The following DIP2B variants were observed in gnomAD, a reference collection of about 807,000 sequenced individuals.
DIP2B encodes the protein DIP2 acetate--CoA ligase B (putative).
Under a neutral mutation model 198.0 loss-of-function variants are expected in DIP2B, and 76 were observed. The ratio of observed to expected loss-of-function variants is 0.38; its 90% confidence interval spans 0.32 to 0.46. DIP2B has a LOEUF of 0.46. Among genes scored for constraint, DIP2B ranks in the 20% least tolerant of loss-of-function variants. The probability of loss-of-function intolerance (pLI) is 0.99; values close to 1 mark genes in which losing one functional copy is unlikely to be tolerated. For missense variants in DIP2B, 1,559 were observed against 1,978.4 expected, an observed-to-expected ratio of 0.79 and a Z score of 4.02; for synonymous variants, 701 against 739.1, an observed-to-expected ratio of 0.95 and a Z score of 0.84.
chr12:50,674,519 C>T lies in DIP2B; in HGVS notation c.686C>T (p.Ser229Phe). 1.9e-6 allele frequency: 3 copies of T among 1,614,222 alleles called. No individual in the cohort carries two copies. Among genetic ancestry groups the T allele is most frequent in the Non-Finnish European group, 2.5e-6 (3 of 1,180,032 alleles). Residue 229 changes from serine to phenylalanine, a missense_variant, in exon 6 of 38, where the codon TCC becomes TTC. By Grantham distance (155) the Ser-to-Phe change is radical (BLOSUM62 -2). Transcript: ENST00000301180. ...PPDVTTTTSS[S>F]SSSSSIRPAN... is the part of the protein sequence containing the mutation. ...GATGTCACTACAACTACCTCTTCCT[C>T]CTCATCATCTTCCTCAATTCGCCCA...
chr12:50,701,751 T>G (rs933355312), intron 19 of DIP2B, among the ~76,000 whole-genome samples: 27 of 152,018 alleles, frequency 1.8e-4, no homozygotes, highest in Non-Finnish European at 3.8e-4. Context: ...GAGAAAAACT[T>G]TTGTGACATG....
intron 4 of DIP2B, among the ~76,000 whole-genome samples, chr12:50,662,063 A>G (rs910198348): frequency 6.6e-6 from 1 of 152,188 alleles, no homozygotes; most frequent in Non-Finnish European, 1.5e-5. Flanking sequence ...AGGCCTCTGT[A>G]TTTCTAGACA....
chr12:50,695,313 T>C lies in DIP2B; in HGVS notation c.1766T>C (p.Met589Thr). ...MHTISVPYSV[M>T]KTCPLSWVQR... ...ACAATCAGCGTACCCTACTCTGTTA[T>C]GAAAACCTGTCCTCTCTCTTGGGTC... Residue 589 changes from methionine to threonine, a missense_variant, in exon 15 of 38, where the codon ATG (methionine) becomes ACG (threonine). Coordinates refer to ENST00000301180, the MANE Select transcript of DIP2B (RefSeq NM_173602.3). 6.2e-7 allele frequency: 1 copy of C among 1,614,136 alleles called. No individual in the cohort carries two copies. Among genetic ancestry groups the C allele is most frequent in the Non-Finnish European group, 8.5e-7 (1 of 1,179,994 alleles).
At chr12:50,540,772 C>T (rs1480656476) in intron 1 of DIP2B, among the ~76,000 whole-genome samples, 1 of 151,472 alleles carries the variant, frequency 6.6e-6, no homozygotes, top group South Asian at 2.1e-4. Flanking sequence ...CTCCTGACCT[C>T]GTGATCCGCC....
chr12:50,716,289 T>A (rs1449115250), intron 23 of DIP2B, among the ~76,000 whole-genome samples: 2 of 144,724 alleles, frequency 1.4e-5, no homozygotes, highest in Non-Finnish European at 3.1e-5. Flanking sequence ...ACTAAAACTG[T>A]TCACCAATTG....
At chr12:50,647,880 C>T (rs903824212) in intron 3 of DIP2B, among the ~76,000 whole-genome samples, 6 of 151,934 alleles carry the variant, frequency 3.9e-5, no homozygotes, top group Non-Finnish European at 7.4e-5. Context: ...TTTGGGAGGC[C>T]GAGGCAGGTG....
intron 1 of DIP2B, among the ~76,000 whole-genome samples, chr12:50,535,140 G>A (rs1958252206): frequency 6.6e-6 from 1 of 152,118 alleles, no homozygotes. Flanking sequence ...GCTAAGGTGG[G>A]AGACTCACCT....
At chr12:50,688,642 A>G (rs779201182) in intron 12 of DIP2B, among the ~76,000 whole-genome samples, 4 of 152,192 alleles carry the variant, frequency 2.6e-5, no homozygotes, top group Non-Finnish European at 4.4e-5. Context: ...ACAGAGCACA[A>G]TTCTGTCTCA....
At position 50,695,479 on chromosome 12, in the gene DIP2B, T is replaced by C. The variant is rs750202506; in HGVS notation, c.1813+119T>C. On this transcript the variant is annotated intron_variant, in intron 15 of 37. Coordinates refer to ENST00000301180, the MANE Select transcript of DIP2B (RefSeq NM_173602.3). ...CTGTCCCTTAACAAATTGTAGAGTTTAGTTACTACAGAATTAGGTACCTTG... is the reference window on the plus strand; with the variant it reads ...CTGTCCCTTAACAAATTGTAGAGTTCAGTTACTACAGAATTAGGTACCTTG... 8.2e-5 allele frequency: 77 copies of C among 944,666 alleles called. 1 individual carries two copies. The highest frequency in any genetic ancestry group is 2.6e-4 in the Admixed American group (12 of 46,658). 58.5% of individuals were successfully genotyped at this position (944,666 alleles called of 1,614,324 possible). A position where few individuals can be genotyped will look rare whatever the true frequency, so the allele number is the denominator to read the frequency against.
At chr12:50,518,839 C>T (rs1958089731) in intron 1 of DIP2B, among the ~76,000 whole-genome samples, 2 of 152,132 alleles carry the variant, frequency 1.3e-5, no homozygotes, top group African/African-American at 4.8e-5. Flanking sequence ...ACTGCAACCT[C>T]AAACTTCTGT....
In DIP2B at chr12:50,735,136, T is replaced by C. The variant is rs764252824; in HGVS notation, c.4101+6T>C. The C allele has an allele frequency of 1.8e-5, 29 of 1,614,042 alleles. No homozygotes were observed. Among genetic ancestry groups the C allele is most frequent in the Non-Finnish European group, 2.4e-5 (28 of 1,180,014 alleles). On this transcript the variant is annotated splice_donor_region_variant and intron_variant, in intron 34 of 37. Coordinates refer to ENST00000301180, the MANE Select transcript of DIP2B (RefSeq NM_173602.3). ...TTCTCTCAGAGTCTGGAAAGGTAAT[T>C]TGTTCTGTTGACCATGGGGAAGGTG...
intron 2 of DIP2B, among the ~76,000 whole-genome samples, chr12:50,638,008 C>T (rs371169805): frequency 6.6e-6 from 1 of 152,138 alleles, no homozygotes; most frequent in Non-Finnish European, 1.5e-5. Context: ...TGTTTTTGAA[C>T]CTAAAATGTG....
intron 14 of DIP2B, among the ~76,000 whole-genome samples, chr12:50,694,548 CAT>C (rs1939275481): frequency 7.6e-6 from 1 of 130,892 alleles, no homozygotes; most frequent in African/African-American, 2.7e-5. Flanking sequence ...TACATACATA[CAT>C]ACATACATAC....
At chr12:50,678,096 T>A (rs1938979570) in intron 7 of DIP2B, among the ~76,000 whole-genome samples, 1 of 148,846 alleles carries the variant, frequency 6.7e-6, no homozygotes, top group Non-Finnish European at 1.5e-5. Flanking sequence ...CCATACGAGA[T>A]GAGTGCAGAG....
chr12:50,731,373 T>C lies in DIP2B; in HGVS notation c.3646T>C (p.Tyr1216His), dbSNP rs147225936. The change falls in exon 31 of 38, where the codon TAT becomes CAT. Residue 1216 changes from tyrosine (Y) to histidine (H), a missense_variant. Coordinates refer to ENST00000301180, the MANE Select transcript of DIP2B (RefSeq NM_173602.3). ...GFALWCLCSV[Y>H]SGHQSVLIPP... Reference sequence around the variant, plus strand: ...CTCTTGTCTCTTTCACTGCAGTGTCTATTCAGGCCACCAGTCTGTCTTAAT... The same window carrying C: ...CTCTTGTCTCTTTCACTGCAGTGTCCATTCAGGCCACCAGTCTGTCTTAAT... 2.9e-5 allele frequency: 46 copies of C among 1,613,464 alleles called. No homozygotes were observed. The African/African-American group carries it at 6.0e-4, about 21-fold the overall frequency.
At chr12:50,574,695 AG>A (rs1958643017) in intron 1 of DIP2B, among the ~76,000 whole-genome samples, 1 of 152,246 alleles carries the variant, frequency 6.6e-6, no homozygotes, top group Non-Finnish European at 1.5e-5. Flanking sequence ...AACCCTCAGA[AG>A]TGAGGAATGA....
intron 25 of DIP2B, among the ~76,000 whole-genome samples, chr12:50,720,594 C>T (rs147429442): frequency 3.0e-4 from 45 of 152,142 alleles, no homozygotes; most frequent in Middle Eastern, 6.8e-3. Flanking sequence ...TTTTCAAGCC[C>T]ACAGATTCAT....
intron 30 of DIP2B, 52 bp from the exon 31 acceptor site, chr12:50,731,317 T>A: frequency 6.3e-7 from 1 of 1,588,624 alleles, no homozygotes; most frequent in Middle Eastern, 1.7e-4. Context: ...TTCTGAAGCA[T>A]CAGGTATCCA....
At chr12:50,533,069 CAG>C (rs766228793) in intron 1 of DIP2B, among the ~76,000 whole-genome samples, 6 of 152,332 alleles carry the variant, frequency 3.9e-5, no homozygotes, top group Admixed American at 3.3e-4. Context: ...GAGGATGTGA[CAG>C]AGTCACAGTG....
Sources: allele counts gnomAD v4.1 joint callset (sites outside exome capture counted in the v4.1 genomes callset), GRCh38; gene constraint gnomAD v4.1.1; transcripts MANE v1.5; gene names NCBI Gene and HGNC (gene_info 2026-07-23, HGNC 2026-07-21).